The following CDC14B variants were observed in gnomAD, a reference collection of about 807,000 sequenced individuals.
CDC14B encodes dual specificity protein phosphatase CDC14B.
CDC14B carries 22 observed loss-of-function variants against 64.2 expected under a neutral mutation model. The ratio of observed to expected loss-of-function variants is 0.34; its 90% confidence interval spans 0.24 to 0.49. CDC14B has a LOEUF of 0.49. Ranked by LOEUF, CDC14B falls within the 20% of genes least tolerant of loss-of-function variation. The pLI, the probability that CDC14B is intolerant of heterozygous loss-of-function variation, is 0.99. For missense variants in CDC14B, 498 were observed against 629.9 expected, an observed-to-expected ratio of 0.79 and a Z score of 2.24; for synonymous variants, 191 against 215.8, an observed-to-expected ratio of 0.89 and a Z score of 1.01.
At chr9:96,512,353 G>A (rs1206457625) in intron 12 of CDC14B, among the ~76,000 whole-genome samples, 2 of 148,510 alleles carry the variant, frequency 1.3e-5, no homozygotes, top group Non-Finnish European at 3.0e-5. Flanking sequence ...TAAGAGACAG[G>A]GTCTCACTCT....
intron 13 of CDC14B, among the ~76,000 whole-genome samples, chr9:96,494,628 C>T (rs867443893): frequency 6.6e-6 from 1 of 152,212 alleles, no homozygotes; most frequent in Non-Finnish European, 1.5e-5. Context: ...TCACACCCCC[C>T]ACAGCTACGC....
intron 1 of CDC14B, among the ~76,000 whole-genome samples, chr9:96,579,737 C>T (rs1845028649): frequency 6.6e-6 from 1 of 152,170 alleles, no homozygotes; most frequent in East Asian, 1.9e-4. Flanking sequence ...TGTTCTTGGC[C>T]TTCCTAAGCT....
intron 1 of CDC14B, among the ~76,000 whole-genome samples, chr9:96,598,323 T>C (rs1846214812): frequency 6.6e-6 from 1 of 152,210 alleles, no homozygotes; most frequent in Admixed American, 6.5e-5. Flanking sequence ...ACTTTATTTG[T>C]GAAGTGTTTT....
chr9:96,499,600 G>A (rs1833394104), downstream of CDC14B, among the ~76,000 whole-genome samples: 1 of 152,012 alleles, frequency 6.6e-6, no homozygotes, highest in East Asian at 1.9e-4. Context: ...GGAATGGCCT[G>A]GCAGCAGGAG....
intron 7 of CDC14B, 55 bp downstream of exon 7, chr9:96,539,023 C>A: frequency 8.9e-7 from 1 of 1,129,276 alleles, no homozygotes; most frequent in South Asian, 1.3e-5. Flanking sequence ...TTATTCCCCT[C>A]AATAAAGCTG....
At chr9:96,575,026 G>A (rs566015763) in intron 1 of CDC14B, among the ~76,000 whole-genome samples, 7 of 152,272 alleles carry the variant, frequency 4.6e-5, no homozygotes, top group South Asian at 2.1e-4. Context: ...GAGTTTATTC[G>A]TCAGAATAAG....
intron 1 of CDC14B, among the ~76,000 whole-genome samples, chr9:96,612,751 C>T (rs953848495): frequency 2.6e-5 from 4 of 152,356 alleles, no homozygotes; most frequent in African/African-American, 9.6e-5. Flanking sequence ...AACATAAACT[C>T]CATGAGAGCA....
Position 96,517,050 on chromosome 9 carries a change from CAG to C in CDC14B, c.1343+5454_1343+5455del, listed in dbSNP as rs553003810. Among the ~76,000 whole-genome samples the C allele has an allele frequency of 7.9e-4, 119 of 151,202 alleles. 1 individual carries two copies. Among genetic ancestry groups the C allele is most frequent in the African/African-American group, 2.6e-3 (109 of 41,298 alleles). The stretch of plus-strand genomic sequence containing the variant: ...CTGCCTCTTTTTTATTTTTAAGAAA[CAG>C]GGGTCGGCCGGGCGCAGTGGCTCAT... On this transcript the variant is annotated intron_variant, in intron 12 of 13. Transcript: ENST00000375241.
downstream of CDC14B, among the ~76,000 whole-genome samples, chr9:96,497,688 T>TAAA (rs756678703): frequency 3.3e-5 from 5 of 152,210 alleles, no homozygotes; most frequent in Non-Finnish European, 7.3e-5. Flanking sequence ...TTATTTTTTT[T>TAAA]ACTAGGCAAA....
At chr9:96,525,490 G>C (rs575810086) in intron 9 of CDC14B, among the ~76,000 whole-genome samples, 13 of 151,528 alleles carry the variant, frequency 8.6e-5, no homozygotes, top group African/African-American at 3.1e-4. Context: ...GATTTCACAG[G>C]GTAGGGCCAC....
chr9:96,579,944 T>A (rs185879951), intron 1 of CDC14B, among the ~76,000 whole-genome samples: 78 of 152,126 alleles, frequency 5.1e-4, no homozygotes, highest in Non-Finnish European at 1.0e-3. Flanking sequence ...AGCAATTGAC[T>A]AGGAGAAACT....
At chr9:96,498,203 C>A (rs984242977), downstream of CDC14B, among the ~76,000 whole-genome samples, 5 of 152,190 alleles carry the variant, frequency 3.3e-5, no homozygotes, top group Non-Finnish European at 7.3e-5. Flanking sequence ...CTTAGACACA[C>A]AGAGGAGGGG....
rs556477415 is a variant in CDC14B, at chr9:96,593,500, A to G, written c.160+25719T>C. Among the ~76,000 whole-genome samples, 37 of 152,136 alleles carry G rather than the reference A, an allele frequency of 2.4e-4. No individual in the cohort carries two copies. In the East Asian group the frequency reaches 5.8e-3, roughly 24 times the overall value. On this transcript the variant is annotated intron_variant, in intron 1 of 13. Coordinates refer to ENST00000375241, the MANE Select transcript of CDC14B (RefSeq NM_033331.4). ...AGACTTGGTCTCAAAAAAAAAAAAA[A>G]AAAAGCAAGCCATACCATGTTTGTG...
intron 12 of CDC14B, among the ~76,000 whole-genome samples, chr9:96,516,056 A>G (rs558289229): frequency 6.6e-6 from 1 of 152,332 alleles, no homozygotes; most frequent in South Asian, 2.1e-4. Flanking sequence ...TAACTTTATG[A>G]TACTGAAATC....
In CDC14B at chr9:96,606,332, C is replaced by CAAAAAAA. The variant is rs772460843; in HGVS notation, c.160+12880_160+12886dup. Among the ~76,000 whole-genome samples, 17 of 21,052 alleles carry CAAAAAAA rather than the reference C, an allele frequency of 8.1e-4. 1 individual carries two copies. Among genetic ancestry groups the CAAAAAAA allele is most frequent in the African/African-American group, 1.7e-3 (16 of 9,184 alleles). The allele number at this position is 21,052 out of a possible 152,430, so 13.8% of individuals were successfully genotyped here. The stretch of plus-strand genomic sequence containing the variant: ...TGGGGAACAGGGCAAGACTCCATCT[C>CAAAAAAA]AAAAAAAAAAAAAAAAAAAAAAAAA... On this transcript the variant is annotated intron_variant, in intron 1 of 13. Transcript: ENST00000375241.
intron 13 of CDC14B, among the ~76,000 whole-genome samples, chr9:96,494,290 C>T (rs763552541): frequency 7.9e-5 from 12 of 152,238 alleles, no homozygotes; most frequent in Non-Finnish European, 1.8e-4. Context: ...AAAAGGGATG[C>T]CTGTACCTCA....
chr9:96,521,524 G>T (rs1587800175), intron 12 of CDC14B, among the ~76,000 whole-genome samples: 1 of 152,126 alleles, frequency 6.6e-6, no homozygotes, highest in African/African-American at 2.4e-5. Context: ...TCTTTGCCTT[G>T]GGTCTTTTAA....
intron 12 of CDC14B, among the ~76,000 whole-genome samples, chr9:96,511,678 G>A (rs1344487282): frequency 6.6e-6 from 1 of 152,188 alleles, no homozygotes; most frequent in Non-Finnish European, 1.5e-5. Context: ...GGATTTCTGA[G>A]GGCCCCATGA....
At chr9:96,536,242 G>A (rs1325892398) in intron 7 of CDC14B, among the ~76,000 whole-genome samples, 1 of 152,108 alleles carries the variant, frequency 6.6e-6, no homozygotes, top group East Asian at 1.9e-4. Flanking sequence ...AGACGTTTGT[G>A]GTGTGCCCCT....
Sources: gnomAD v4.1 joint callset for allele counts (sites outside exome capture counted in the v4.1 genomes callset) on GRCh38, gnomAD v4.1.1 for gene constraint, MANE v1.5 for transcripts, NCBI Gene and HGNC (gene_info 2026-07-23, HGNC 2026-07-21) for gene names.